The following SPTLC3 variants were observed in gnomAD, a reference collection of about 807,000 sequenced individuals.
SPTLC3 encodes serine palmitoyltransferase 3.
In SPTLC3, 36 loss-of-function variants were observed where a neutral mutation model predicts 59.3. The ratio of observed to expected loss-of-function variants is 0.61; its 90% confidence interval spans 0.47 to 0.80. The LOEUF (loss-of-function observed/expected upper bound fraction) is 0.80, where lower values mean the gene tolerates loss of function less well. Ranked by LOEUF, SPTLC3 falls within the 30% of genes least tolerant of loss-of-function variation. The pLI, the probability that SPTLC3 is intolerant of heterozygous loss-of-function variation, is 0.00. For synonymous variants in SPTLC3, 257 were observed against 240.8 expected, an observed-to-expected ratio of 1.07 and a Z score of -0.62; for missense variants, 625 against 685.1, an observed-to-expected ratio of 0.91 and a Z score of 0.98.
intron 9 of SPTLC3, among the ~76,000 whole-genome samples, chr20:13,152,660 C>G (rs751946416): frequency 1.3e-5 from 2 of 152,184 alleles, no homozygotes; most frequent in Admixed American, 6.5e-5. Flanking sequence ...TGTGCTCCAT[C>G]ATCAAACCAA....
chr20:13,037,072 C>A (rs926925436), intron 1 of SPTLC3, among the ~76,000 whole-genome samples: 1 of 152,132 alleles, frequency 6.6e-6, no homozygotes, highest in East Asian at 1.9e-4. Flanking sequence ...CCCCTTATGC[C>A]ACAGGAAGGT....
intron 11 of SPTLC3, 88 bp downstream of exon 11, chr20:13,160,220 G>A (rs1158262295): frequency 1.3e-5 from 19 of 1,452,106 alleles, no homozygotes; most frequent in Non-Finnish European, 1.7e-5. Flanking sequence ...GGGGTTCTCT[G>A]GGTTTCTCTT....
intron 8 of SPTLC3, among the ~76,000 whole-genome samples, chr20:13,119,765 A>T (rs888426574): frequency 6.6e-6 from 1 of 152,202 alleles, no homozygotes; most frequent in African/African-American, 2.4e-5. Context: ...ATCTGCCCTA[A>T]AACAGCAAGA....
chr20:13,061,885 C>T lies in SPTLC3; in HGVS notation c.304-10371C>T, dbSNP rs1987991348. On this transcript the variant is annotated intron_variant, in intron 2 of 11. Coordinates refer to ENST00000399002, the MANE Select transcript of SPTLC3 (RefSeq NM_018327.4). ...TAAAATCCTAAGTCAGGTCACAGCA[C>T]ATGTCTGGCCAGAACCCTTTAACAT... Among the ~76,000 whole-genome samples, 5 of 152,190 alleles carry T rather than the reference C, an allele frequency of 3.3e-5. No homozygotes were observed. In the South Asian group the frequency reaches 1.0e-3, roughly 32 times the overall value.
At chr20:13,152,786 G>C (rs956550961) in intron 9 of SPTLC3, among the ~76,000 whole-genome samples, 1 of 152,204 alleles carries the variant, frequency 6.6e-6, no homozygotes, top group Non-Finnish European at 1.5e-5. Context: ...GGAGGAGGAT[G>C]CTGAACACAA....
At position 13,065,671 on chromosome 20, in the gene SPTLC3, ATCT is replaced by A. The variant is rs535194140; in HGVS notation, c.304-6580_304-6578del. ...TTCCTGCCATATTTTTTACATTCAT[ATCT>A]TCTTTTATTTTTATTTTTTATTTTA... On this transcript the variant is annotated intron_variant, in intron 2 of 11. Transcript: ENST00000399002. Among the ~76,000 whole-genome samples, 265 of 149,432 alleles carry A rather than the reference ATCT, an allele frequency of 1.8e-3. 2 individuals are homozygous for A. Among genetic ancestry groups the A allele is most frequent in the Middle Eastern group, 3.8e-3 (1 of 266 alleles).
At chr20:13,055,190 G>GT (rs1987668458) in intron 2 of SPTLC3, among the ~76,000 whole-genome samples, 1 of 151,892 alleles carries the variant, frequency 6.6e-6, no homozygotes, top group Non-Finnish European at 1.5e-5. Context: ...CAATGAAATG[G>GT]TTCTGTTGGC....
At chr20:13,137,290 C>A (rs1460533550) in intron 9 of SPTLC3, among the ~76,000 whole-genome samples, 1 of 152,098 alleles carries the variant, frequency 6.6e-6, no homozygotes, top group Non-Finnish European at 1.5e-5. Context: ...GAAGTTGTTG[C>A]CTTGGCTGTA....
intron 9 of SPTLC3, among the ~76,000 whole-genome samples, chr20:13,134,751 T>A (rs144399163): frequency 2.1e-3 from 317 of 149,462 alleles, no homozygotes; most frequent in Non-Finnish European, 4.0e-3. Context: ...CAAACAAAGG[T>A]AAAGGACCTA....
intron 1 of SPTLC3, among the ~76,000 whole-genome samples, chr20:13,034,781 G>A (rs1986660337): frequency 6.6e-6 from 1 of 151,152 alleles, no homozygotes; most frequent in East Asian, 1.9e-4. Context: ...CATACTTTTT[G>A]TTATTCACCA....
At chr20:13,159,659 C>A (rs1445326249) in intron 10 of SPTLC3, among the ~76,000 whole-genome samples, 2 of 152,156 alleles carry the variant, frequency 1.3e-5, no homozygotes, top group Non-Finnish European at 2.9e-5. Flanking sequence ...AGGGACCCTG[C>A]AGATGGATTT....
rs180878136 is a variant in SPTLC3 at position 13,101,359 on chromosome 20, T to C, written c.826+7782T>C. Among the ~76,000 whole-genome samples the C allele has an allele frequency of 9.2e-5, 14 of 152,308 alleles. No homozygotes were observed. In the East Asian group the frequency reaches 2.5e-3, roughly 27 times the overall value. ...TCCAGCTATTTGCTGCCAGGCCATA[T>C]GTAGGAGTCAGAAAGCTATGGTCCC... On this transcript the variant is annotated intron_variant, in intron 6 of 11. Coordinates refer to ENST00000399002, the MANE Select transcript of SPTLC3 (RefSeq NM_018327.4).
intron 9 of SPTLC3, among the ~76,000 whole-genome samples, chr20:13,147,558 C>T (rs2038545134): frequency 6.6e-6 from 1 of 152,158 alleles, no homozygotes; most frequent in Non-Finnish European, 1.5e-5. Flanking sequence ...GGTAAACTGG[C>T]AGATAGAGAA....
chr20:13,065,389 T>G (rs7264291), intron 2 of SPTLC3, among the ~76,000 whole-genome samples: 52,335 of 151,064 alleles, frequency 0.35, 9,875 homozygotes, highest in African/African-American at 0.51. Flanking sequence ...CTAGTTTACC[T>G]TCTATTATTA....
intron 1 of SPTLC3, among the ~76,000 whole-genome samples, chr20:13,015,560 T>C (rs1217531700): frequency 6.6e-6 from 1 of 152,188 alleles, no homozygotes; most frequent in Non-Finnish European, 1.5e-5. Context: ...GAAAAATGCA[T>C]TAATTCTGCC....
At position 13,074,352 on chromosome 20, in the gene SPTLC3, T is replaced by G. The variant is rs777667709; in HGVS notation, c.462T>G (p.Phe154Leu). The G allele has an allele frequency of 9.9e-6, 16 of 1,613,836 alleles. No homozygotes were observed. Among genetic ancestry groups the G allele is most frequent in the Non-Finnish European group, 1.4e-5 (16 of 1,179,846 alleles). ...TCATTTACATGTTTCCCCACAGGTT[T>G]ACTGGAAGAGTCATCAAAGATGTCA... ...VSDDYNWTFR[F>L]TGRVIKDVIN... The change falls in exon 4 of 12, where the codon TTT (phenylalanine) becomes TTG (leucine). Residue 154 changes from phenylalanine to leucine, a missense_variant. Physicochemically the swap from Phe to Leu is conservative, Grantham distance 22. Coordinates refer to ENST00000399002, the MANE Select transcript of SPTLC3 (RefSeq NM_018327.4).
intron 1 of SPTLC3, among the ~76,000 whole-genome samples, chr20:13,030,349 C>T (rs575177602): frequency 5.9e-5 from 9 of 152,282 alleles, no homozygotes; most frequent in East Asian, 1.9e-4. Context: ...TCTTCCACCA[C>T]GAATATAAAA....
intron 1 of SPTLC3, among the ~76,000 whole-genome samples, chr20:13,026,019 G>T (rs1986124560): frequency 1.3e-5 from 2 of 152,020 alleles, no homozygotes; most frequent in Non-Finnish European, 2.9e-5. Context: ...AAGGATGATG[G>T]CCCCCACCTC....
At chr20:13,016,408 G>C (rs144688158) in intron 1 of SPTLC3, among the ~76,000 whole-genome samples, 1 of 152,132 alleles carries the variant, frequency 6.6e-6, no homozygotes, top group South Asian at 2.1e-4. Flanking sequence ...TATGTAATTT[G>C]CCTCATTGAA....
Sources: gnomAD v4.1 joint callset for allele counts (sites outside exome capture counted in the v4.1 genomes callset) on GRCh38, gnomAD v4.1.1 for gene constraint, MANE v1.5 for transcripts, NCBI Gene and HGNC (gene_info 2026-07-23, HGNC 2026-07-21) for gene names.